FHIT: variants seen among roughly 807,000 people sequenced by gnomAD.
FHIT encodes fragile histidine triad diadenosine triphosphatase.
FHIT carries 19 observed loss-of-function variants against 17.9 expected under a neutral mutation model. That is an observed-to-expected ratio of 1.06 (90% CI 0.74 to 1.56). The LOEUF is 1.56. Among genes scored for constraint, FHIT ranks in the 40% most tolerant of loss-of-function variants. The probability of loss-of-function intolerance (pLI) is 0.00; values close to 1 mark genes in which losing one functional copy is unlikely to be tolerated. For missense variants in FHIT, 248 were observed against 189.2 expected, an observed-to-expected ratio of 1.31 and a Z score of -1.82; for synonymous variants, 81 against 69.7, an observed-to-expected ratio of 1.16 and a Z score of -0.81.
At chr3:60,110,033 C>T (rs976833333) in intron 5 of FHIT, among the ~76,000 whole-genome samples, 13 of 152,270 alleles carry the variant, frequency 8.5e-5, no homozygotes, top group South Asian at 2.1e-4. Flanking sequence ...CCATGATTCA[C>T]GCACTCAGTT....
At chr3:60,590,344 C>T (rs2178808) in intron 4 of FHIT, among the ~76,000 whole-genome samples, 62,366 of 151,738 alleles carry the variant, frequency 0.41, 14,415 homozygotes, top group African/African-American at 0.64. Context: ...TTACTAATCG[C>T]CACAGCAGCA....
chr3:60,286,305 A>C (rs1365528641), intron 5 of FHIT, among the ~76,000 whole-genome samples: 1 of 152,194 alleles, frequency 6.6e-6, no homozygotes, highest in Non-Finnish European at 1.5e-5. Context: ...GTTTTTAGAA[A>C]CTTGGAATAA....
At chr3:61,071,270 G>C (rs1399800584) in intron 2 of FHIT, among the ~76,000 whole-genome samples, 1 of 152,136 alleles carries the variant, frequency 6.6e-6, no homozygotes, top group Non-Finnish European at 1.5e-5. Context: ...TGAAGAAAGA[G>C]TCCAAACACT....
intron 5 of FHIT, among the ~76,000 whole-genome samples, chr3:60,287,330 G>A (rs966477991): frequency 8.6e-5 from 13 of 151,896 alleles, no homozygotes; most frequent in East Asian, 1.9e-4. Context: ...CACCACACCC[G>A]GCTAATTTTT....
At chr3:60,026,871 G>T (rs1189847814) in intron 5 of FHIT, among the ~76,000 whole-genome samples, 2 of 151,984 alleles carry the variant, frequency 1.3e-5, no homozygotes, top group African/African-American at 4.8e-5. Flanking sequence ...GGCCAAGGTG[G>T]GTGGGTCACT....
intron 3 of FHIT, among the ~76,000 whole-genome samples, chr3:60,959,395 T>TCAC: frequency 6.6e-6 from 1 of 152,288 alleles, no homozygotes; most frequent in Non-Finnish European, 1.5e-5. Flanking sequence ...TTATCTCCAT[T>TCAC]CTATTAACAA....
At chr3:60,167,672 G>A (rs1470687299) in intron 5 of FHIT, among the ~76,000 whole-genome samples, 1 of 152,302 alleles carries the variant, frequency 6.6e-6, no homozygotes, top group Non-Finnish European at 1.5e-5. Context: ...TTTTTGTCCT[G>A]TTGCCTATCC....
chr3:60,621,144 A>ATTTTTTTTTT (rs11370683), intron 4 of FHIT, among the ~76,000 whole-genome samples: 1 of 95,090 alleles, frequency 1.1e-5, no homozygotes, highest in Admixed American at 1.3e-4. Context: ...TCTACTTTTG[A>ATTTTTTTTTT]TTTTTTTTTT....
chr3:59,804,222 C>T (rs900559986), intron 8 of FHIT, among the ~76,000 whole-genome samples: 1 of 152,192 alleles, frequency 6.6e-6, no homozygotes, highest in Non-Finnish European at 1.5e-5. Context: ...GTTTATGGCT[C>T]CTCCTCACAC....
At chr3:60,744,271 A>AAAAAC (rs1553714747) in intron 4 of FHIT, among the ~76,000 whole-genome samples, 11,524 of 50,534 alleles carry the variant, frequency 0.23, 676 homozygotes, top group East Asian at 0.3. Flanking sequence ...AACAAAACAA[A>AAAAAC]AAAAAAAAAA....
At chr3:60,269,751 A>G (rs1274072246) in intron 5 of FHIT, among the ~76,000 whole-genome samples, 1 of 152,228 alleles carries the variant, frequency 6.6e-6, no homozygotes, top group Non-Finnish European at 1.5e-5. Context: ...CAGTCTAGTG[A>G]AGCAGATAGA....
intron 5 of FHIT, among the ~76,000 whole-genome samples, chr3:60,466,290 C>T (rs1479897813): frequency 6.6e-6 from 1 of 151,964 alleles, no homozygotes; most frequent in Non-Finnish European, 1.5e-5. Context: ...TTGGTAGAGT[C>T]TTTAGATTTT....
intron 1 of FHIT, among the ~76,000 whole-genome samples, chr3:61,214,592 G>T (rs369069532): frequency 2.0e-5 from 3 of 150,664 alleles, no homozygotes; most frequent in African/African-American, 7.3e-5. Flanking sequence ...GGAGGAACTG[G>T]TACCATTCCT....
intron 2 of FHIT, among the ~76,000 whole-genome samples, chr3:61,167,407 C>T (rs1484221755): frequency 6.6e-6 from 1 of 151,344 alleles, no homozygotes; most frequent in East Asian, 1.9e-4. Flanking sequence ...GAGGCTGAGG[C>T]GGGCAGATCA....
chr3:60,960,681 C>T (rs1553780502), intron 3 of FHIT, among the ~76,000 whole-genome samples: 1 of 152,108 alleles, frequency 6.6e-6, no homozygotes, highest in African/African-American at 2.4e-5. Context: ...TGAGAACATG[C>T]AGTGTTTGGT....
At chr3:61,239,644 G>GAGGGCAGTGCTGATA (rs1431032556) in intron 1 of FHIT, among the ~76,000 whole-genome samples, 1 of 151,636 alleles carries the variant, frequency 6.6e-6, no homozygotes, top group East Asian at 1.9e-4. Context: ...TAGACTCCAT[G>GAGGGCAGTGCTGATA]AGGGCAGTGC....
intron 8 of FHIT, among the ~76,000 whole-genome samples, chr3:59,880,612 T>G (rs1235898173): frequency 1.3e-5 from 2 of 152,184 alleles, no homozygotes; most frequent in African/African-American, 4.8e-5. Context: ...GTCCCTCATT[T>G]GTAAAACAGA....
intron 1 of FHIT, among the ~76,000 whole-genome samples, chr3:61,210,711 C>G (rs2039435975): frequency 6.6e-6 from 1 of 152,032 alleles, no homozygotes; most frequent in African/African-American, 2.4e-5. Flanking sequence ...TGTCACCCCT[C>G]TCTTTTACTA....
At chr3:60,892,161 C>A (rs929187962) in intron 3 of FHIT, among the ~76,000 whole-genome samples, 5 of 152,140 alleles carry the variant, frequency 3.3e-5, no homozygotes, top group African/African-American at 1.2e-4. Flanking sequence ...ACTTTTAAAG[C>A]CTGAAATTTC....
Sources: allele counts gnomAD v4.1 joint callset (sites outside exome capture counted in the v4.1 genomes callset), GRCh38; gene constraint gnomAD v4.1.1; transcripts MANE v1.5; gene names NCBI Gene and HGNC (gene_info 2026-07-23, HGNC 2026-07-21).